The following FAAH2 variants were observed in gnomAD, a reference collection of about 807,000 sequenced individuals.
FAAH2 encodes the protein fatty-acid amide hydrolase 2.
Under a neutral mutation model 36.9 loss-of-function variants are expected in FAAH2, and 60 were observed. That is an observed-to-expected ratio of 1.63 (90% CI 1.32 to 2.02). FAAH2 has a LOEUF of 2.02. Ranked by LOEUF, FAAH2 falls within the 30% of genes most tolerant of loss-of-function variation. The probability of loss-of-function intolerance (pLI) is 0.00; values close to 1 mark genes in which losing one functional copy is unlikely to be tolerated. For synonymous variants in FAAH2, 214 were observed against 143.8 expected (o/e 1.49, Z -3.49); for missense variants, 689 against 397.5 (o/e 1.73, Z -6.23).
intron 2 of FAAH2, among the ~76,000 whole-genome samples, chrX:57,297,501 G>T (rs1466855157): frequency 2.0e-5 from 2 of 99,715 alleles, no homozygotes; most frequent in Non-Finnish European, 4.1e-5. Context: ...GCAAAAACCT[G>T]CCAAATTGTA....
chrX:57,483,157 T>G (rs2057410952), intron 10 of FAAH2, among the ~76,000 whole-genome samples: 1 of 111,542 alleles, frequency 9.0e-6, no homozygotes, highest in African/African-American at 3.3e-5. Context: ...ATGTTATAGG[T>G]TTTGTTGCTT....
chrX:57,223,097 G>A, the FAAH2 span, among the ~76,000 whole-genome samples: 2 of 112,155 alleles, frequency 1.8e-5, no homozygotes, highest in Non-Finnish European at 3.8e-5. Context: ...TGGAAAAAAC[G>A]AGGCTTCCTA....
intron 10 of FAAH2, among the ~76,000 whole-genome samples, chrX:57,476,754 A>T (rs2057277343): frequency 9.0e-6 from 1 of 111,364 alleles, no homozygotes; most frequent in Non-Finnish European, 1.9e-5. Flanking sequence ...TAGTTTCAGA[A>T]GGAATGGTAC....
At chrX:57,471,429 A>C (rs2057163618) in intron 10 of FAAH2, among the ~76,000 whole-genome samples, 1 of 111,979 alleles carries the variant, frequency 8.9e-6, no homozygotes, top group African/African-American at 3.2e-5. Context: ...TGCAAAAATC[A>C]CAATCATTCT....
At chrX:57,427,428 A>C (rs1346426352) in intron 7 of FAAH2, among the ~76,000 whole-genome samples, 1 of 111,369 alleles carries the variant, frequency 9.0e-6, no homozygotes, top group Non-Finnish European at 1.9e-5. Flanking sequence ...ACAAAGCCAC[A>C]TATAAACATA....
chrX:57,433,450 CT>C (rs771143730), intron 8 of FAAH2, among the ~76,000 whole-genome samples: 8 of 111,448 alleles, frequency 7.2e-5, no homozygotes, highest in African/African-American at 2.3e-4. Flanking sequence ...TAATGTAGCT[CT>C]TTTTTAATTA....
chrX:57,143,470 T>G, the FAAH2 span, among the ~76,000 whole-genome samples: 1 of 110,270 alleles, frequency 9.1e-6, no homozygotes, highest in Non-Finnish European at 1.9e-5. Context: ...CTCTTAAAAT[T>G]GCTCGTATTA....
Position 57,485,439 on chromosome X carries a change from T to A in FAAH2, c.1424-3318T>A, listed in dbSNP as rs925554312. On this transcript the variant is annotated intron_variant, in intron 10 of 10. Coordinates refer to ENST00000374900, the MANE Select transcript of FAAH2 (RefSeq NM_174912.4). ...GGTGTGAAGCAGTATAAGTGGGGAG[T>A]TGTGTGGCATGCAGCAAACCTGTTG... is the stretch of plus-strand genomic sequence containing the variant. Among the ~76,000 whole-genome samples, 4 of 110,419 alleles carry A rather than the reference T, an allele frequency of 3.6e-5. No homozygotes were observed. In the East Asian group the frequency reaches 1.2e-3, roughly 32 times the overall value.
intron 2 of FAAH2, among the ~76,000 whole-genome samples, chrX:57,302,698 A>G (rs1027681031): frequency 1.8e-5 from 2 of 111,341 alleles, no homozygotes; most frequent in East Asian, 2.8e-4. Flanking sequence ...CACTGGCTGT[A>G]CTTGAATCAC....
upstream of FAAH2, among the ~76,000 whole-genome samples, chrX:57,286,321 A>T (rs1328182314): frequency 2.7e-5 from 3 of 112,216 alleles, no homozygotes; most frequent in East Asian, 8.4e-4. Flanking sequence ...ACAAAGGTAT[A>T]CTTACAACAC....
At chrX:57,406,757 G>A (rs2055576301) in intron 7 of FAAH2, among the ~76,000 whole-genome samples, 1 of 112,653 alleles carries the variant, frequency 8.9e-6, no homozygotes, top group African/African-American at 3.2e-5. Flanking sequence ...CTCTGTGGCA[G>A]GGATGCTACC....
chrX:57,288,413 G>A (rs1165445434), intron 1 of FAAH2, among the ~76,000 whole-genome samples: 1 of 90,602 alleles, frequency 1.1e-5, no homozygotes, highest in African/African-American at 4.5e-5. Context: ...GCAGTGGTGC[G>A]ATCTTCGCTC....
At chrX:57,210,586 G>A in the FAAH2 span, among the ~76,000 whole-genome samples, 5 of 112,103 alleles carry the variant, frequency 4.5e-5, no homozygotes, top group Admixed American at 1.9e-4. Flanking sequence ...AAATTAGTGG[G>A]AATAGAAGGG....
chrX:57,460,845 A>G (rs2056945207), intron 10 of FAAH2, among the ~76,000 whole-genome samples: 1 of 112,100 alleles, frequency 8.9e-6, no homozygotes, highest in Admixed American at 9.4e-5. Flanking sequence ...CAATTAAAAG[A>G]CACAAACTGG....
intron 5 of FAAH2, among the ~76,000 whole-genome samples, chrX:57,370,879 C>A (rs908254852): frequency 4.5e-5 from 5 of 111,484 alleles, no homozygotes; most frequent in African/African-American, 1.3e-4. Context: ...TCTCACCTCA[C>A]AGTGCATGTA....
At chrX:57,251,153 TA>T in the FAAH2 span, among the ~76,000 whole-genome samples, 1 of 112,174 alleles carries the variant, frequency 8.9e-6, no homozygotes, top group African/African-American at 3.2e-5. Flanking sequence ...TCATACAACA[TA>T]ATCAAGTGGA....
the FAAH2 span, among the ~76,000 whole-genome samples, chrX:57,171,122 G>A: frequency 9.0e-6 from 1 of 111,550 alleles, no homozygotes; most frequent in South Asian, 3.7e-4. Flanking sequence ...GTATTCCATG[G>A]TATGTATATA....
chrX:57,128,361 A>T, the FAAH2 span, among the ~76,000 whole-genome samples: 2 of 112,017 alleles, frequency 1.8e-5, no homozygotes, highest in Non-Finnish European at 3.8e-5. Flanking sequence ...AGAAAAATTT[A>T]AAAAATTAAC....
chrX:57,416,962 C>T (rs2055862583), intron 7 of FAAH2, among the ~76,000 whole-genome samples: 1 of 111,227 alleles, frequency 9.0e-6, no homozygotes, highest in Non-Finnish European at 1.9e-5. Context: ...TGTCTTAACG[C>T]TTTATTTTAT....
Sources: allele counts gnomAD v4.1 joint callset (sites outside exome capture counted in the v4.1 genomes callset), GRCh38; gene constraint gnomAD v4.1.1; transcripts MANE v1.5; gene names NCBI Gene and HGNC (gene_info 2026-07-23, HGNC 2026-07-21).